The following XYLT1 variants were observed in gnomAD, a reference collection of about 807,000 sequenced individuals.
XYLT1 encodes the protein xylosyltransferase 1.
XYLT1 carries 36 observed loss-of-function variants against 91.3 expected under a neutral mutation model. That is an observed-to-expected ratio of 0.39 (90% CI 0.30 to 0.52). The LOEUF is 0.52. XYLT1 is among the 20% of genes least tolerant of loss of function. The pLI is 0.68. For synonymous variants in XYLT1, 588 were observed against 532.0 expected, an observed-to-expected ratio of 1.11 and a Z score of -1.45; for missense variants, 1,242 against 1,284.5, an observed-to-expected ratio of 0.97 and a Z score of 0.51.
At chr16:17,331,984 C>T (rs2034904693) in intron 2 of XYLT1, among the ~76,000 whole-genome samples, 1 of 152,202 alleles carries the variant, frequency 6.6e-6, no homozygotes, top group Non-Finnish European at 1.5e-5. Flanking sequence ...TTTCTGTTCC[C>T]TGCCAGCCTC....
At chr16:17,264,720 C>T (rs1444940863) in intron 2 of XYLT1, among the ~76,000 whole-genome samples, 1 of 152,166 alleles carries the variant, frequency 6.6e-6, no homozygotes, top group East Asian at 1.9e-4. Context: ...TGAAAACTCA[C>T]CAAAACAGAC....
intron 11 of XYLT1, among the ~76,000 whole-genome samples, chr16:17,117,118 C>T (rs4780716): frequency 0.21 from 32,685 of 152,046 alleles, 4,386 homozygotes; most frequent in East Asian, 0.61. Flanking sequence ...TGACTGTGTT[C>T]CAATAAAACT....
At chr16:17,182,114 G>C (rs1278295831) in intron 5 of XYLT1, among the ~76,000 whole-genome samples, 1 of 152,168 alleles carries the variant, frequency 6.6e-6, no homozygotes, top group Non-Finnish European at 1.5e-5. Context: ...CCCTCTCACA[G>C]GTGAGAAAAA....
intron 1 of XYLT1, among the ~76,000 whole-genome samples, chr16:17,464,667 C>T (rs2036865866): frequency 1.3e-5 from 2 of 152,032 alleles, no homozygotes; most frequent in South Asian, 4.2e-4. Flanking sequence ...ATTATATATC[C>T]ATTTTTAAAA....
intron 6 of XYLT1, among the ~76,000 whole-genome samples, chr16:17,143,389 C>T (rs988598969): frequency 6.6e-6 from 1 of 152,248 alleles, no homozygotes; most frequent in Middle Eastern, 3.4e-3. Flanking sequence ...GAGCTCTGCT[C>T]CTAAGGAGCT....
chr16:17,113,463 C>T (rs892558069), intron 11 of XYLT1, among the ~76,000 whole-genome samples: 5 of 152,186 alleles, frequency 3.3e-5, no homozygotes, highest in African/African-American at 4.8e-5. Flanking sequence ...TTTTTGTCCA[C>T]GGTTCTTGGC....
intron 6 of XYLT1, among the ~76,000 whole-genome samples, chr16:17,141,943 G>T (rs1337348605): frequency 6.6e-6 from 1 of 152,136 alleles, no homozygotes; most frequent in Non-Finnish European, 1.5e-5. Flanking sequence ...GTGTTCCGTT[G>T]CCTAGGCTGG....
chr16:17,238,108 C>A (rs997867749), intron 3 of XYLT1, among the ~76,000 whole-genome samples: 2 of 152,186 alleles, frequency 1.3e-5, no homozygotes, highest in African/African-American at 4.8e-5. Context: ...TCCATTCATC[C>A]ACCCCATCCC....
chr16:17,382,487 G>A (rs1346108740), intron 1 of XYLT1, among the ~76,000 whole-genome samples: 1 of 151,892 alleles, frequency 6.6e-6, no homozygotes, highest in African/African-American at 2.4e-5. Flanking sequence ...CAGTGTTAAT[G>A]GGACCCCACA....
chr16:17,209,653 G>A (rs1332307360), intron 3 of XYLT1, among the ~76,000 whole-genome samples: 2 of 152,202 alleles, frequency 1.3e-5, no homozygotes, highest in Non-Finnish European at 2.9e-5. Flanking sequence ...TTTATTAGGA[G>A]GTCACTTTGC....
At chr16:17,238,245 T>C (rs1482600072) in intron 3 of XYLT1, among the ~76,000 whole-genome samples, 1 of 152,260 alleles carries the variant, frequency 6.6e-6, no homozygotes, top group Non-Finnish European at 1.5e-5. Flanking sequence ...ACACAGGAAA[T>C]AGCAGGCCGG....
intron 2 of XYLT1, among the ~76,000 whole-genome samples, chr16:17,273,843 C>CA (rs567464047): frequency 0.23 from 26,046 of 111,832 alleles, 2,924 homozygotes; most frequent in African/African-American, 0.33. Flanking sequence ...GAATCTGTCT[C>CA]AAAAAAAAAA....
chr16:17,429,488 A>C (rs1178123985), intron 1 of XYLT1, among the ~76,000 whole-genome samples: 1 of 152,340 alleles, frequency 6.6e-6, no homozygotes, highest in East Asian at 1.9e-4. Flanking sequence ...TGGCTACATT[A>C]AGTTGTAGGG....
intron 1 of XYLT1, chr16:17,446,466 A>G (rs2036592853): frequency 6.6e-6 from 1 of 152,156 alleles, no homozygotes; most frequent in Non-Finnish European, 1.5e-5. Context: ...AGCTCATCCA[A>G]TTAGGAAGGA....
chr16:17,412,586 G>A (rs1300942285), intron 1 of XYLT1, among the ~76,000 whole-genome samples: 1 of 149,460 alleles, frequency 6.7e-6, no homozygotes, highest in Non-Finnish European at 1.5e-5. Flanking sequence ...ATTTGGGGGT[G>A]TGGGGGTGGG....
chr16:17,204,367 T>C (rs1163126219), intron 3 of XYLT1, among the ~76,000 whole-genome samples: 1 of 151,776 alleles, frequency 6.6e-6, no homozygotes, highest in East Asian at 2.0e-4. Context: ...AGAGCTCCCT[T>C]GGCTTAAATA....
chr16:17,209,135 C>T (rs952480056), intron 3 of XYLT1, among the ~76,000 whole-genome samples: 1 of 152,196 alleles, frequency 6.6e-6, no homozygotes, highest in African/African-American at 2.4e-5. Flanking sequence ...AAAACTGAAA[C>T]TTTCTATCCA....
At chr16:17,248,651 C>T (rs7195616) in intron 3 of XYLT1, among the ~76,000 whole-genome samples, 34,366 of 152,000 alleles carry the variant, frequency 0.23, 4,416 homozygotes, top group South Asian at 0.38. Context: ...CCAGCTTTTC[C>T]TCTAGTTAAC....
intron 1 of XYLT1, among the ~76,000 whole-genome samples, chr16:17,402,178 G>A (rs1314408944): frequency 6.6e-6 from 1 of 151,330 alleles, no homozygotes; most frequent in Non-Finnish European, 1.5e-5. Flanking sequence ...AAGTTAGCCA[G>A]GCATGGTGGT....
Sources: allele counts gnomAD v4.1 joint callset (sites outside exome capture counted in the v4.1 genomes callset), GRCh38; gene constraint gnomAD v4.1.1; transcripts MANE v1.5; gene names NCBI Gene and HGNC (gene_info 2026-07-23, HGNC 2026-07-21).